Variants in PPP1R12B observed in about 807,000 individuals in gnomAD.
PPP1R12B encodes the protein protein phosphatase 1 regulatory subunit 12B, also known as myosin phosphatase target subunit 2.
In PPP1R12B, 76 loss-of-function variants were observed where a neutral mutation model predicts 126.1. The ratio of observed to expected loss-of-function variants is 0.60; its 90% CI spans 0.50 to 0.73. The LOEUF (loss-of-function observed/expected upper bound fraction) is 0.73. Among genes scored for constraint, PPP1R12B ranks in the 30% least tolerant of loss-of-function variants. The pLI is 0.00. For synonymous variants in PPP1R12B, 356 were observed against 434.7 expected (o/e 0.82, Z 2.25); for missense variants, 1,052 against 1,205.1 (o/e 0.87, Z 1.88).
intron 1 of PPP1R12B, among the ~76,000 whole-genome samples, chr1:202,391,365 A>C (rs1664134836): frequency 6.6e-6 from 1 of 152,148 alleles, no homozygotes; most frequent in African/African-American, 2.4e-5. Context: ...CTAGAACCAA[A>C]AAGTCAAATA....
chr1:202,398,648 C>G (rs1474002672), intron 1 of PPP1R12B, among the ~76,000 whole-genome samples: 4 of 152,106 alleles, frequency 2.6e-5, no homozygotes, highest in African/African-American at 9.7e-5. Flanking sequence ...GTGTCTGGCA[C>G]AGGATCATTT....
chr1:202,567,272 G>A (rs934262495), intron 21 of PPP1R12B, among the ~76,000 whole-genome samples: 3 of 152,164 alleles, frequency 2.0e-5, no homozygotes, highest in East Asian at 1.9e-4. Flanking sequence ...AAAGAAAAAT[G>A]GTATCAATTC....
intron 1 of PPP1R12B, among the ~76,000 whole-genome samples, chr1:202,355,322 C>T (rs1295850952): frequency 1.3e-5 from 2 of 152,142 alleles, no homozygotes; most frequent in African/African-American, 4.8e-5. Context: ...GGTATAATTT[C>T]TGCCCTCAAG....
chr1:202,501,338 A>T (rs959919887), intron 18 of PPP1R12B, among the ~76,000 whole-genome samples: 2 of 152,182 alleles, frequency 1.3e-5, no homozygotes, highest in African/African-American at 4.8e-5. Flanking sequence ...GGATATTTCT[A>T]TCTTTTTTTA....
chr1:202,445,256 G>T, intron 12 of PPP1R12B: 1 of 1,237,276 alleles, frequency 8.1e-7, no homozygotes, highest in Non-Finnish European at 1.0e-6. Context: ...CATTTGAGTT[G>T]CATTCATCAA....
rs760118732 is a variant in PPP1R12B at position 202,431,512 on chromosome 1, C to G, written c.1034C>G (p.Pro345Arg). The change falls in exon 8 of 24, where the codon CCT (proline) becomes CGT (arginine). Residue 345 changes from proline to arginine, a missense_variant. Physicochemically the swap from Pro to Arg is moderately radical, Grantham distance 103 (BLOSUM62 -2). Coordinates refer to ENST00000608999, the MANE Select transcript of PPP1R12B (RefSeq NM_002481.4). ...AAGATGCTCTATGAGGAGGAGACACCTAAGTCCCAAGAAATGGAGGAAGAA... is the reference window on the plus strand; with the variant it reads ...AAGATGCTCTATGAGGAGGAGACACGTAAGTCCCAAGAAATGGAGGAAGAA... ...KEKMLYEEET[P>R]KSQEMEEENK... The G allele has an allele frequency of 1.4e-5, 23 of 1,612,092 alleles. No individual in the cohort carries two copies. In the Admixed American group the frequency reaches 3.7e-4, roughly 26 times the overall value.
chr1:202,529,522 T>C (rs1272659710), intron 18 of PPP1R12B, among the ~76,000 whole-genome samples: 6 of 152,180 alleles, frequency 3.9e-5, no homozygotes, highest in African/African-American at 1.4e-4. Context: ...ATAATTATTT[T>C]TCTTAACACC....
At chr1:202,407,006 T>C (rs1666699352) in intron 1 of PPP1R12B, among the ~76,000 whole-genome samples, 4 of 152,212 alleles carry the variant, frequency 2.6e-5, no homozygotes, top group Admixed American at 2.6e-4. Context: ...ACATACAACT[T>C]CTGTTTGAAG....
chr1:202,555,969 G>T (rs1299634214), intron 18 of PPP1R12B, among the ~76,000 whole-genome samples: 1 of 150,324 alleles, frequency 6.7e-6, no homozygotes, highest in Non-Finnish European at 1.5e-5. Flanking sequence ...TCTACCTCCT[G>T]GGCTTAAGCA....
chr1:202,387,854 T>G (rs866828488), intron 1 of PPP1R12B, among the ~76,000 whole-genome samples: 1 of 152,148 alleles, frequency 6.6e-6, no homozygotes, highest in Non-Finnish European at 1.5e-5. Context: ...GTGTTGTCAC[T>G]TTACCTTTAA....
At chr1:202,525,612 C>CTTTTT (rs71142537) in intron 18 of PPP1R12B, among the ~76,000 whole-genome samples, 1 of 120,304 alleles carries the variant, frequency 8.3e-6, no homozygotes, top group African/African-American at 3.2e-5. Flanking sequence ...TTTTTTTTTT[C>CTTTTT]TTTTTTTTTT....
intron 23 of PPP1R12B, chr1:202,575,573 C>T (rs555639480): frequency 6.5e-6 from 1 of 153,996 alleles, no homozygotes; most frequent in East Asian, 1.9e-4. Context: ...ACCCACTCCC[C>T]TGGAGCAACT....
intron 1 of PPP1R12B, among the ~76,000 whole-genome samples, chr1:202,359,694 G>A (rs1025415309): frequency 7.2e-6 from 1 of 138,198 alleles, no homozygotes; most frequent in Non-Finnish European, 1.6e-5. Context: ...GTGGGGGTGG[G>A]GGGCGGTGCT....
intron 13 of PPP1R12B, 84 bp from the exon 14 acceptor site, chr1:202,488,449 C>T (rs1678432263): frequency 9.3e-7 from 1 of 1,070,710 alleles, no homozygotes; most frequent in Non-Finnish European, 1.4e-6. Flanking sequence ...GTAGAAATCT[C>T]TTCAATATGT....
rs1685459436 is a variant in PPP1R12B at position 202,544,549 on chromosome 1, T to A, written c.2491-14328T>A. ...TTATTATATTGAATAAATCTTGAAG[T>A]AAGTGGGTCATTAGCTGAACCCTGG... On this transcript the variant is annotated intron_variant, in intron 18 of 23. Transcript: ENST00000608999. Among the ~76,000 whole-genome samples the A allele has an allele frequency of 2.0e-5, 3 of 152,320 alleles. No homozygotes were observed. The South Asian group carries it at 6.2e-4, about 32-fold the overall frequency.
At chr1:202,439,114 C>CGAG (rs946452993) in intron 10 of PPP1R12B, 17 of 1,561,256 alleles carry the variant, frequency 1.1e-5, no homozygotes, top group African/African-American at 1.4e-5. Context: ...ACATGACGTT[C>CGAG]GAGGAGGAGG....
intron 1 of PPP1R12B, among the ~76,000 whole-genome samples, chr1:202,372,382 T>C (rs1411869371): frequency 6.6e-6 from 1 of 151,788 alleles, no homozygotes; most frequent in Non-Finnish European, 1.5e-5. Context: ...TGCGTGCGGA[T>C]AGTTCCAGCT....
intron 12 of PPP1R12B, among the ~76,000 whole-genome samples, chr1:202,444,663 T>G (rs540439611): frequency 9.2e-5 from 14 of 152,252 alleles, no homozygotes; most frequent in Non-Finnish European, 1.8e-4. Context: ...GCCTTGGGTT[T>G]GTTGGGAATT....
intron 13 of PPP1R12B, among the ~76,000 whole-genome samples, chr1:202,474,781 C>G (rs1256109750): frequency 1.3e-5 from 2 of 152,046 alleles, no homozygotes; most frequent in Non-Finnish European, 2.9e-5. Context: ...AAATTTAGTT[C>G]CTCTTTTAAC....
Sources: gnomAD v4.1 joint callset for allele counts (sites outside exome capture counted in the v4.1 genomes callset) on GRCh38, gnomAD v4.1.1 for gene constraint, MANE v1.5 for transcripts, NCBI Gene and HGNC (gene_info 2026-07-23, HGNC 2026-07-21) for gene names.